The following JHY variants were observed in gnomAD, a reference collection of about 807,000 sequenced individuals.
JHY encodes junctional cadherin complex regulator.
JHY carries 69 observed loss-of-function variants against 78.0 expected under a neutral mutation model. The ratio of observed to expected loss-of-function variants is 0.88; its 90% CI spans 0.73 to 1.08. The LOEUF (loss-of-function observed/expected upper bound fraction) is 1.08. JHY is among the 50% of genes least tolerant of loss of function. JHY has a pLI of 0.00. For synonymous variants in JHY, 368 were observed against 342.6 expected, an observed-to-expected ratio of 1.07 and a Z score of -0.82; for missense variants, 944 against 927.8, an observed-to-expected ratio of 1.02 and a Z score of -0.23.
intron 8 of JHY, 65 bp downstream of exon 8, chr11:122,957,556 CTTTTTTTTT>C: frequency 1.0e-6 from 1 of 981,076 alleles, no homozygotes; most frequent in Non-Finnish European, 1.3e-6. Context: ...TTTATTATCG[CTTTTTTTTT>C]TTTTTTTTAA....
rs36092881 is a variant in JHY at position 122,934,313 on chromosome 11, CAAATAAATAAAT to C, written c.979-76_979-65del. 719 of 512,634 alleles carry C rather than the reference CAAATAAATAAAT, an allele frequency of 1.4e-3. 1 individual carries two copies. Among genetic ancestry groups the C allele is most frequent in the African/African-American group, 0.01 (378 of 37,528 alleles). The allele number at this position is 512,634 out of a possible 1,614,324, so 31.8% of individuals were successfully genotyped here. On this transcript the variant is annotated intron_variant, in intron 4 of 8. Transcript: ENST00000227349. ...CCTGGGAGACAGTGAGACTCCGTCTCAAATAAATAAATAAATAAATAAATAAATAAATAAATA... is the reference window on the plus strand; with the variant it reads ...CCTGGGAGACAGTGAGACTCCGTCTCAAATAAATAAATAAATAAATAAATA...
chr11:122,946,382 AT>A, intron 5 of JHY, 115 bp from the exon 6 acceptor site: 1 of 1,130,054 alleles, frequency 8.8e-7, no homozygotes, highest in East Asian at 2.6e-5. Context: ...AAGGTCATTA[AT>A]TTGATTTGAG....
intron 3 of JHY, among the ~76,000 whole-genome samples, chr11:122,924,676 C>T (rs540788422): frequency 6.6e-6 from 1 of 152,160 alleles, no homozygotes; most frequent in Non-Finnish European, 1.5e-5. Context: ...GACCTTAACG[C>T]ACCAGTTTTC....
intron 6 of JHY, chr11:122,947,262 C>T (rs1203432682): frequency 6.5e-6 from 1 of 153,832 alleles, no homozygotes; most frequent in African/African-American, 2.4e-5. Flanking sequence ...CACCATCTGC[C>T]ACTATGAGGA....
chr11:122,943,122 G>A (rs2135368072), intron 5 of JHY, among the ~76,000 whole-genome samples: 1 of 152,276 alleles, frequency 6.6e-6, no homozygotes, highest in Admixed American at 6.5e-5. Flanking sequence ...CCATCTTCCT[G>A]CCTCAGCCCC....
At chr11:122,910,862 A>T (rs1315430319) in intron 3 of JHY, among the ~76,000 whole-genome samples, 1 of 152,172 alleles carries the variant, frequency 6.6e-6, no homozygotes, top group African/African-American at 2.4e-5. Context: ...TTTTGCATAG[A>T]TCTGCTGATT....
chr11:122,935,225 G>T lies in JHY; in HGVS notation c.1634+150G>T. ...AACAACTTCCTTAGCTCTGATTCCT[G>T]CCTCAAAGAGTCCACTTTTTTTTTT... On this transcript the variant is annotated intron_variant, in intron 5 of 8. Coordinates refer to ENST00000227349, the MANE Select transcript of JHY (RefSeq NM_024806.4). The surrounding 1 kb of genome is among the most constrained non-coding windows in gnomAD (Gnocchi z 4.5). The T allele has an allele frequency of 6.4e-6, 4 of 628,076 alleles. No individual in the cohort carries two copies. Among genetic ancestry groups the T allele is most frequent in the African/African-American group, 1.9e-5 (1 of 53,610 alleles). The allele number at this position is 628,076 out of a possible 1,614,324, so 38.9% of individuals were successfully genotyped here.
chr11:122,933,704 A>C (rs1179007735), intron 4 of JHY, among the ~76,000 whole-genome samples: 1 of 152,212 alleles, frequency 6.6e-6, no homozygotes, highest in Non-Finnish European at 1.5e-5. Flanking sequence ...AATTTGTTTC[A>C]TCTGGTGAAG....
chr11:122,903,866 C>G, intron 2 of JHY, 59 bp from the exon 3 acceptor site: 1 of 1,506,420 alleles, frequency 6.6e-7, no homozygotes, highest in Non-Finnish European at 8.9e-7. Context: ...GTTCAACTGA[C>G]TATAATGAGT....
chr11:122,885,666 T>C (rs1486452484), intron 1 of JHY, 95 bp from the exon 2 acceptor site: 5 of 570,632 alleles, frequency 8.8e-6, no homozygotes, highest in African/African-American at 1.9e-5. Context: ...GCAGATAATA[T>C]AACAAGGTTC....
chr11:122,912,566 C>A (rs1863153909), intron 3 of JHY, among the ~76,000 whole-genome samples: 1 of 152,050 alleles, frequency 6.6e-6, no homozygotes, highest in Admixed American at 6.6e-5. Flanking sequence ...ATTAGCTCAA[C>A]CTCGTCTCCA....
intron 2 of JHY, among the ~76,000 whole-genome samples, chr11:122,887,401 C>T (rs1862518206): frequency 6.6e-6 from 1 of 152,192 alleles, no homozygotes; most frequent in East Asian, 1.9e-4. Flanking sequence ...CAGCTCACTG[C>T]AACCTCCACC....
rs147674925 is a variant in JHY, at chr11:122,904,141, A to G, written c.561A>G (p.Ala187=). 74 of 1,614,178 alleles carry G rather than the reference A, an allele frequency of 4.6e-5. No homozygotes were observed. The African/African-American group carries it at 7.1e-4, about 15-fold the overall frequency. ...KGEQKESPQS[A]ASLLGSEFLS... Reference sequence around the variant, plus strand: ...AGCAGAAAGAGAGTCCACAGAGTGCAGCTTCTTTACTTGGTAGTGAATTTT... The same window carrying G: ...AGCAGAAAGAGAGTCCACAGAGTGCGGCTTCTTTACTTGGTAGTGAATTTT... Residue 187 remains alanine, a synonymous_variant, in exon 3 of 9, where the codon GCA becomes GCG. Coordinates refer to ENST00000227349, the MANE Select transcript of JHY (RefSeq NM_024806.4).
At chr11:122,905,654 G>C in intron 3 of JHY, 1 of 922,870 alleles carries the variant, frequency 1.1e-6, no homozygotes, top group Non-Finnish European at 1.3e-6. Flanking sequence ...GATCACTTGA[G>C]GCCACGAGTT....
At chr11:122,905,279 C>G in intron 3 of JHY, 1 of 1,613,130 alleles carries the variant, frequency 6.2e-7, no homozygotes, top group Non-Finnish European at 8.5e-7. Flanking sequence ...CTGCCCACCT[C>G]CTATGGACAT....
At position 122,959,293 on chromosome 11, in the gene JHY, C is replaced by A. The variant is rs202068417; in HGVS notation, c.2185C>A (p.Leu729Met). The A allele has an allele frequency of 2.5e-6, 4 of 1,614,172 alleles. No homozygotes were observed. The highest frequency in any genetic ancestry group is 3.4e-6 in the Non-Finnish European group (4 of 1,180,034). Residue 729 changes from leucine (L) to methionine (M), a missense_variant, in exon 9 of 9, where the codon CTG becomes ATG. Leu to Met is a conservative substitution (Grantham distance 15). Coordinates refer to ENST00000227349, the MANE Select transcript of JHY (RefSeq NM_024806.4). ...CATCCCCAAACCCAAACCATCAAAT[C>A]TGACTCATCAAGCATCAAAGGAACA... ...KTIPKPKPSNLTHQASKEQKN... is the reference protein window; with the variant it reads ...KTIPKPKPSNMTHQASKEQKN...
Position 122,960,836 on chromosome 11 carries a change from T to C in JHY, c.*1391T>C. On this transcript the variant is annotated 3_prime_UTR_variant, in exon 9 of 9. Transcript: ENST00000227349. ...TTCAGAAGCGCCATTACCTTTTTGA[T>C]GTGCAGAGGAATAACATTGCTATGG... 4.7e-6 allele frequency: 3 copies of C among 632,500 alleles called. No individual in the cohort carries two copies. Among genetic ancestry groups the C allele is most frequent in the South Asian group, 2.9e-5 (2 of 69,810 alleles). 39.2% of individuals were successfully genotyped at this position (632,500 alleles called of 1,614,324 possible).
intron 6 of JHY, among the ~76,000 whole-genome samples, chr11:122,948,461 T>TC (rs1565336584): frequency 6.7e-6 from 1 of 148,696 alleles, no homozygotes; most frequent in Non-Finnish European, 1.5e-5. Context: ...ATAATAATAA[T>TC]AATAATAATA....
At chr11:122,943,766 G>A (rs73606718) in intron 5 of JHY, among the ~76,000 whole-genome samples, 15,529 of 152,036 alleles carry the variant, frequency 0.1, 830 homozygotes, top group East Asian at 0.19. Context: ...AGCTACACCA[G>A]CTTTTTAAAT....
Sources: allele counts gnomAD v4.1 joint callset (sites outside exome capture counted in the v4.1 genomes callset), GRCh38; gene constraint gnomAD v4.1.1; non-coding constraint Gnocchi (gnomAD v3.1); transcripts MANE v1.5; gene names NCBI Gene and HGNC (gene_info 2026-07-23, HGNC 2026-07-21).